The following TP53AIP1 variants were observed in gnomAD, a reference collection of about 807,000 sequenced individuals.
TP53AIP1 encodes p53-regulated apoptosis-inducing protein 1.
A neutral mutation model predicts 9.5 loss-of-function variants in TP53AIP1; 14 were observed. The ratio of observed to expected loss-of-function variants is 1.47; its 90% CI spans 0.97 to 2.30. TP53AIP1 has a LOEUF of 2.30. Among genes scored for constraint, TP53AIP1 ranks in the 30% most tolerant of loss-of-function variants. The pLI, the probability that TP53AIP1 is intolerant of heterozygous loss-of-function variation, is 0.00. For synonymous variants in TP53AIP1, 73 were observed against 61.2 expected, an observed-to-expected ratio of 1.19 and a Z score of -0.90; for missense variants, 153 against 146.7, an observed-to-expected ratio of 1.04 and a Z score of -0.22.
chr11:128,941,580 C>A (rs1047954176), intron 1 of TP53AIP1, among the ~76,000 whole-genome samples: 1 of 152,258 alleles, frequency 6.6e-6, no homozygotes, highest in African/African-American at 2.4e-5. Flanking sequence ...GATGTTTAGC[C>A]CTGTGCAGAG....
At position 128,937,314 on chromosome 11, in the gene TP53AIP1, C is replaced by T. The variant is rs4987001; in HGVS notation, c.141+364G>A. 40 of 1,379,424 alleles carry T rather than the reference C, an allele frequency of 2.9e-5. No individual in the cohort carries two copies. The African/African-American group carries it at 3.8e-4, about 13-fold the overall frequency. 85.4% of individuals were successfully genotyped at this position (1,379,424 alleles called of 1,614,324 possible). On this transcript the variant is annotated intron_variant, in intron 2 of 3. Coordinates refer to ENST00000531399, the MANE Select transcript of TP53AIP1 (RefSeq NM_022112.3). The surrounding 1 kb of genome is among the most constrained non-coding windows in gnomAD (Gnocchi z 4.8). ...TGCACCCCAGCCTTCCCTCCCCATG[C>T]GCTCCACATGCGTCCTTTGTTCAGC...
At chr11:128,935,231 A>C (rs1944787720), downstream of TP53AIP1, 17 of 1,375,108 alleles carry the variant, frequency 1.2e-5, no homozygotes, top group Non-Finnish European at 1.6e-5. Context: ...GGAAGTGCAT[A>C]CTGGGAGTGC....
chr11:128,939,849 A>G lies in TP53AIP1; in HGVS notation c.-76-1955T>C, dbSNP rs1460341974. ...CTTTAAAATCAAAGTGTTTGTTAGAAAGCAGCTTTGTTTTCCTTCTATTTC... is the reference window on the plus strand; with the variant it reads ...CTTTAAAATCAAAGTGTTTGTTAGAGAGCAGCTTTGTTTTCCTTCTATTTC... On this transcript the variant is annotated intron_variant, in intron 1 of 3. Coordinates refer to ENST00000531399, the MANE Select transcript of TP53AIP1 (RefSeq NM_022112.3). The surrounding 1 kb of genome is among the most constrained non-coding windows in gnomAD (Gnocchi z 4.1). 6.6e-6 allele frequency among the ~76,000 whole-genome samples: 1 copy of G among 152,234 alleles called. No homozygotes were observed. Among genetic ancestry groups the G allele is most frequent in the Non-Finnish European group, 1.5e-5 (1 of 68,044 alleles).
At chr11:128,941,943 G>A (rs1944953414) in intron 1 of TP53AIP1, among the ~76,000 whole-genome samples, 2 of 152,240 alleles carry the variant, frequency 1.3e-5, no homozygotes, top group South Asian at 2.1e-4. Context: ...TCTAGAGGTT[G>A]TGGCAAACAC....
intron 1 of TP53AIP1, among the ~76,000 whole-genome samples, chr11:128,942,488 G>A (rs1336716542): frequency 3.3e-5 from 5 of 152,168 alleles, no homozygotes; most frequent in Non-Finnish European, 7.4e-5. Flanking sequence ...CGTCAGCATC[G>A]CCCAGGAACC....
intron 1 of TP53AIP1, among the ~76,000 whole-genome samples, chr11:128,938,127 A>G (rs957211524): frequency 6.6e-6 from 1 of 152,214 alleles, no homozygotes; most frequent in African/African-American, 2.4e-5. Context: ...TGATGGAGTT[A>G]GGAGCGTTGT....
At chr11:128,941,786 C>A (rs1017945281) in intron 1 of TP53AIP1, among the ~76,000 whole-genome samples, 4 of 152,212 alleles carry the variant, frequency 2.6e-5, no homozygotes, top group Non-Finnish European at 5.9e-5. Flanking sequence ...CTGCTGGGAC[C>A]CAGTGGAAAG....
rs1944813059 is a variant in TP53AIP1 at position 128,935,888 on chromosome 11, C to A, written c.254-176G>T. On this transcript the variant is annotated intron_variant, in intron 3 of 3. Transcript: ENST00000531399. ...TATCTCCCAAGACAGGAAAAAAAAT[C>A]TTTAGATTTCATAGATATCAAATGG... is the stretch of plus-strand genomic sequence containing the variant. The A allele has an allele frequency of 3.0e-6, 4 of 1,312,446 alleles. No individual in the cohort carries two copies. In the African/African-American group the frequency reaches 4.5e-5, roughly 15 times the overall value. 81.3% of individuals were successfully genotyped at this position (1,312,446 alleles called of 1,614,324 possible).
Position 128,937,159 on chromosome 11 carries a change from A to G in TP53AIP1, c.142-510T>C. Reference sequence around the variant, plus strand: ...CCTTACCCCCTCCTCAGAGCCCACAAGCTTCCGAGTGCGTCATCTTCATTA... The same window carrying G: ...CCTTACCCCCTCCTCAGAGCCCACAGGCTTCCGAGTGCGTCATCTTCATTA... On this transcript the variant is annotated intron_variant, in intron 2 of 3. Transcript: ENST00000531399. The surrounding 1 kb of genome is among the most constrained non-coding windows in gnomAD (Gnocchi z 4.8). The G allele has an allele frequency of 9.1e-7, 1 of 1,096,104 alleles. No individual in the cohort carries two copies. The highest frequency in any genetic ancestry group is 1.1e-6 in the Non-Finnish European group (1 of 900,010). 67.9% of individuals were successfully genotyped at this position (1,096,104 alleles called of 1,614,324 possible). A position where few individuals can be genotyped will look rare whatever the true frequency, so the allele number is the denominator to read the frequency against.
At position 128,937,358 on chromosome 11, in the gene TP53AIP1, C is replaced by A. The variant is rs1944846739; in HGVS notation, c.141+320G>T. 1 of 1,424,062 alleles carries A rather than the reference C, an allele frequency of 7.0e-7. No individual in the cohort carries two copies. Among genetic ancestry groups the A allele is most frequent in the Admixed American group, 2.9e-5 (1 of 34,464 alleles). 88.2% of individuals were successfully genotyped at this position (1,424,062 alleles called of 1,614,324 possible). On this transcript the variant is annotated intron_variant, in intron 2 of 3. Coordinates refer to ENST00000531399, the MANE Select transcript of TP53AIP1 (RefSeq NM_022112.3). The surrounding 1 kb of genome is among the most constrained non-coding windows in gnomAD (Gnocchi z 4.8). ...GTTCAGCCTCTCCATTTAGCTCTCA[C>A]TTTCTGGATGCAGCCAGGCACCACC...
In TP53AIP1 at chr11:128,936,613, C is replaced by T. The variant is rs1202294654; in HGVS notation, c.178G>A (p.Gly60Arg). The T allele has an allele frequency of 2.5e-6, 4 of 1,588,752 alleles. No individual in the cohort carries two copies. The highest frequency in any genetic ancestry group is 2.2e-5 in the East Asian group (1 of 44,554). ...AGAGCTTCTATTCCCCGGCACCCTCCGTGAACTTGGGCACCCAAAACTAAG... is the reference window on the plus strand; with the variant it reads ...AGAGCTTCTATTCCCCGGCACCCTCTGTGAACTTGGGCACCCAAAACTAAG... ...DPLVLGAQVH[G>R]GCRGIEALSV... is the part of the protein sequence containing the mutation. Residue 60 changes from glycine (G) to arginine (R), a missense_variant, in exon 3 of 4, where the codon GGA becomes AGA. Gly to Arg is a moderately radical substitution (Grantham distance 125, BLOSUM62 -2). Coordinates refer to ENST00000531399, the MANE Select transcript of TP53AIP1 (RefSeq NM_022112.3).
At position 128,937,028 on chromosome 11, in the gene TP53AIP1, G is replaced by A. The variant is rs11221518; in HGVS notation, c.142-379C>T. ...GAGAGAAGTGTGGGCCTCCAGGGAG[G>A]TGTAGGCGCTCCTGGCTCCTGGCAG... On this transcript the variant is annotated intron_variant, in intron 2 of 3. Transcript: ENST00000531399. The surrounding 1 kb of genome is among the most constrained non-coding windows in gnomAD (Gnocchi z 4.8). The A allele has an allele frequency of 0.11, 114,764 of 1,056,994 alleles. 7,075 individuals carry two copies. Among genetic ancestry groups the A allele is most frequent in the African/African-American group, 0.23 (13,535 of 59,574 alleles). The allele number at this position is 1,056,994 out of a possible 1,614,324, so 65.5% of individuals were successfully genotyped here.
At chr11:128,938,003 G>A (rs1004128316) in intron 1 of TP53AIP1, 109 bp from the exon 2 acceptor site, 5 of 680,990 alleles carry the variant, frequency 7.3e-6, no homozygotes, top group Non-Finnish European at 9.6e-6. Context: ...CTGGGAGGGG[G>A]AAGCCGATGC....
rs1250650879 is a variant in TP53AIP1 at position 128,937,240 on chromosome 11, G to A, written c.141+438C>T. 1.0e-5 allele frequency: 13 copies of A among 1,265,682 alleles called. No individual in the cohort carries two copies. Among genetic ancestry groups the A allele is most frequent in the African/African-American group, 1.5e-5 (1 of 65,744 alleles). 78.4% of individuals were successfully genotyped at this position (1,265,682 alleles called of 1,614,324 possible). A position where few individuals can be genotyped will look rare whatever the true frequency, so the allele number is the denominator to read the frequency against. Reference sequence around the variant, plus strand: ...GTGACTGGTGCTCCGAGGCCCATCTGGACAAAAGCAGGATCCGGGGTGGAC... The same window carrying A: ...GTGACTGGTGCTCCGAGGCCCATCTAGACAAAAGCAGGATCCGGGGTGGAC... On this transcript the variant is annotated intron_variant, in intron 2 of 3. Coordinates refer to ENST00000531399, the MANE Select transcript of TP53AIP1 (RefSeq NM_022112.3). The surrounding 1 kb of genome is among the most constrained non-coding windows in gnomAD (Gnocchi z 4.8).
In TP53AIP1 at chr11:128,942,806, A is replaced by T. The variant is rs1204119447; in HGVS notation, c.-89T>A. 1 of 152,722 alleles carries T rather than the reference A, an allele frequency of 6.5e-6. No homozygotes were observed. Among genetic ancestry groups the T allele is most frequent in the Admixed American group, 6.5e-5 (1 of 15,284 alleles). The allele number at this position is 152,722 out of a possible 1,614,324, so 9.5% of individuals were successfully genotyped here. ...CCCCTCTCCTCACCTGCCTCCTAGG[A>T]GTCGGAGGGTCCGTGGAAATGGTCT... On this transcript the variant is annotated 5_prime_UTR_variant, in exon 1 of 4. Coordinates refer to ENST00000531399, the MANE Select transcript of TP53AIP1 (RefSeq NM_022112.3).
rs1186326562 is a variant in TP53AIP1, at chr11:128,937,532, T to C, written c.141+146A>G. 1.9e-6 allele frequency: 3 copies of C among 1,612,862 alleles called. No homozygotes were observed. The highest frequency in any genetic ancestry group is 1.7e-5 in the Admixed American group (1 of 59,934). On this transcript the variant is annotated intron_variant, in intron 2 of 3. Coordinates refer to ENST00000531399, the MANE Select transcript of TP53AIP1 (RefSeq NM_022112.3). This position sits in a 1 kb window ranked among gnomAD's most constrained non-coding sequence, Gnocchi z 4.8. ...GTCCAATGCTCTGAACTGGGGACAG[T>C]CCGCATGCAGCTCTGAGGACCCAGA...
Position 128,936,841 on chromosome 11 carries a change from T to C in TP53AIP1, c.142-192A>G. ...AGGAGGAACAAAAGGCTCCTCAAGGTCAGTGGTGCAAAGGACATTAGAGAC... is the reference window on the plus strand; with the variant it reads ...AGGAGGAACAAAAGGCTCCTCAAGGCCAGTGGTGCAAAGGACATTAGAGAC... On this transcript the variant is annotated intron_variant, in intron 2 of 3. Coordinates refer to ENST00000531399, the MANE Select transcript of TP53AIP1 (RefSeq NM_022112.3). 6 of 1,418,396 alleles carry C rather than the reference T, an allele frequency of 4.2e-6. 1 individual carries two copies. The South Asian group carries it at 9.2e-5, about 22-fold the overall frequency. The allele number at this position is 1,418,396 out of a possible 1,614,324, so 87.9% of individuals were successfully genotyped here. A position where few individuals can be genotyped will look rare whatever the true frequency, so the allele number is the denominator to read the frequency against.
rs1944807895 is a variant in TP53AIP1 at position 128,935,699 on chromosome 11, A to G, written c.267T>C (p.Gly89=). The G allele has an allele frequency of 1.9e-5, 30 of 1,577,556 alleles. No homozygotes were observed. The highest frequency in any genetic ancestry group is 2.6e-5 in the Non-Finnish European group (30 of 1,169,584). ...CTCCAGGAAGGAAAGGCCTGGAGAG[A>G]CCTAGACCAAGGCCTCAGTAGGGAG... is the stretch of plus-strand genomic sequence containing the variant. ...TVWILTGLGL[G]LSRPFLPGAT... is the part of the protein sequence containing the mutation. The change falls in exon 4 of 4, where the codon GGT becomes GGC. Residue 89 remains glycine, a synonymous_variant. Coordinates refer to ENST00000531399, the MANE Select transcript of TP53AIP1 (RefSeq NM_022112.3).
At chr11:128,941,938 A>G (rs1321299434) in intron 1 of TP53AIP1, among the ~76,000 whole-genome samples, 2 of 152,132 alleles carry the variant, frequency 1.3e-5, no homozygotes, top group Non-Finnish European at 2.9e-5. Flanking sequence ...GACCCTCTAG[A>G]GGTTGTGGCA....
Sources: allele counts gnomAD v4.1 joint callset (sites outside exome capture counted in the v4.1 genomes callset), GRCh38; gene constraint gnomAD v4.1.1; non-coding constraint Gnocchi (gnomAD v3.1); transcripts MANE v1.5; gene names NCBI Gene and HGNC (gene_info 2026-07-23, HGNC 2026-07-21).